The following STPG1 variants were observed in gnomAD, a reference collection of about 807,000 sequenced individuals.
The protein encoded by STPG1 is O(6)-methylguanine-induced apoptosis 2.
Under a neutral mutation model 40.1 loss-of-function variants are expected in STPG1, and 33 were observed. The observed-to-expected ratio is 0.82, with a 90% confidence interval of 0.62 to 1.10. STPG1 has a LOEUF of 1.10. Ranked by LOEUF, STPG1 falls within the 50% of genes least tolerant of loss-of-function variation. The pLI, the probability that STPG1 is intolerant of heterozygous loss-of-function variation, is 0.00. For synonymous variants in STPG1, 150 were observed against 155.0 expected (o/e 0.97, Z 0.24); for missense variants, 396 against 415.1 (o/e 0.95, Z 0.40).
chr1:24,394,585 T>C (rs1642913513), intron 2 of STPG1, among the ~76,000 whole-genome samples: 1 of 152,112 alleles, frequency 6.6e-6, no homozygotes, highest in Non-Finnish European at 1.5e-5. Flanking sequence ...ATTTCATATG[T>C]TCAAGAAGCC....
Position 24,383,943 on chromosome 1 carries a change from C to CA in STPG1, c.249dup (p.Val84CysfsTer24). On this transcript the variant is annotated frameshift_variant, in exon 4 of 9. Transcript: ENST00000337248. LOFTEE classifies it high-confidence loss of function. ...CAAGTTCCTTTCTTGGACAATGAGACACTGTTGGACACCGGTGACTGGTGA... is the reference window on the plus strand; with the variant it reads ...CAAGTTCCTTTCTTGGACAATGAGACAACTGTTGGACACCGGTGACTGGTGA... The CA allele has an allele frequency of 1.2e-6, 2 of 1,614,074 alleles. No homozygotes were observed. The highest frequency in any genetic ancestry group is 1.7e-6 in the Non-Finnish European group (2 of 1,179,898).
chr1:24,372,174 T>C (rs947146746), intron 6 of STPG1, among the ~76,000 whole-genome samples: 2 of 151,946 alleles, frequency 1.3e-5, no homozygotes, highest in African/African-American at 4.8e-5. Flanking sequence ...CAAGACTCCA[T>C]CTCCAAAAAA....
intron 7 of STPG1, among the ~76,000 whole-genome samples, chr1:24,361,999 C>T (rs573076677): frequency 8.9e-4 from 136 of 152,276 alleles, no homozygotes; most frequent in African/African-American, 3.0e-3. Flanking sequence ...ATAGAAGGGC[C>T]GCCTCCTTCT....
intron 7 of STPG1, among the ~76,000 whole-genome samples, chr1:24,362,534 A>C (rs1051705946): frequency 6.6e-6 from 1 of 152,220 alleles, no homozygotes; most frequent in Non-Finnish European, 1.5e-5. Flanking sequence ...TTTATAAAGG[A>C]GTTACAATGA....
rs976422128 is a variant in STPG1, at chr1:24,379,578, A to T, written c.462+75T>A. ...AACTGCATTAAAATACGATGTCCCC[A>T]AGATCCCCTCTTCCTTTTATTTTAG... On this transcript the variant is annotated intron_variant, in intron 5 of 8. Transcript: ENST00000337248. 3.9e-6 allele frequency: 6 copies of T among 1,524,590 alleles called. No homozygotes were observed. In the African/African-American group the frequency reaches 8.3e-5, roughly 21 times the overall value. 94.4% of individuals were successfully genotyped at this position (1,524,590 alleles called of 1,614,324 possible). A position where few individuals can be genotyped will look rare whatever the true frequency, so the allele number is the denominator to read the frequency against.
intron 5 of STPG1, among the ~76,000 whole-genome samples, chr1:24,375,480 C>T (rs555841066): frequency 4.6e-5 from 7 of 152,050 alleles, no homozygotes; most frequent in South Asian, 2.1e-4. Flanking sequence ...AATGGCTAGA[C>T]GGCATGCAGA....
chr1:24,384,394 T>C (rs1230369290), intron 3 of STPG1, among the ~76,000 whole-genome samples: 1 of 152,182 alleles, frequency 6.6e-6, no homozygotes, highest in East Asian at 1.9e-4. Context: ...GGTGAGCGAT[T>C]TCATGTTCAC....
chr1:24,379,515 C>T, intron 5 of STPG1, 138 bp downstream of exon 5: 1 of 910,830 alleles, frequency 1.1e-6, no homozygotes, highest in Non-Finnish European at 1.7e-6. Flanking sequence ...CAGCCTTAGG[C>T]ACCCATTGGG....
intron 2 of STPG1, among the ~76,000 whole-genome samples, chr1:24,397,645 G>A (rs751116218): frequency 1.3e-5 from 2 of 149,460 alleles, no homozygotes; most frequent in South Asian, 2.1e-4. Flanking sequence ...TCATATTAAC[G>A]GACTAAAAAA....
chr1:24,371,094 C>T (rs1370833117), intron 6 of STPG1, among the ~76,000 whole-genome samples: 3 of 152,132 alleles, frequency 2.0e-5, no homozygotes, highest in African/African-American at 4.8e-5. Context: ...GAAGAGGAAG[C>T]GATCTCACCC....
rs1471055742 is a variant in STPG1 at position 24,369,339 on chromosome 1, G to GT, written c.737+334dup. The GT allele has an allele frequency of 2.8e-5, 14 of 506,140 alleles. 1 individual carries two copies. Among genetic ancestry groups the GT allele is most frequent in the Non-Finnish European group, 4.8e-5 (12 of 250,728 alleles). 31.4% of individuals were successfully genotyped at this position (506,140 alleles called of 1,614,324 possible). On this transcript the variant is annotated intron_variant, in intron 7 of 8. Coordinates refer to ENST00000337248, the MANE Select transcript of STPG1 (RefSeq NM_001199013.2). Reference sequence around the variant, plus strand: ...AGACTTAGTCCTGAGCCAATTCCCTGTGGCTCCTCAAGTTGGCTGTGTGGA... The same window carrying GT: ...AGACTTAGTCCTGAGCCAATTCCCTGTTGGCTCCTCAAGTTGGCTGTGTGGA...
chr1:24,363,501 C>T (rs1641255850), intron 7 of STPG1, among the ~76,000 whole-genome samples: 1 of 152,200 alleles, frequency 6.6e-6, no homozygotes, highest in African/African-American at 2.4e-5. Flanking sequence ...GGGTTTGAAT[C>T]CCCACTTCCC....
intron 2 of STPG1, chr1:24,400,946 T>A (rs935888631): frequency 4.4e-5 from 8 of 182,190 alleles, no homozygotes; most frequent in Non-Finnish European, 6.9e-5. Context: ...AGTTATCCTT[T>A]CCAACAACCC....
At chr1:24,369,461 C>A in intron 7 of STPG1, 1 of 688,908 alleles carries the variant, frequency 1.5e-6, no homozygotes, top group Non-Finnish European at 2.7e-6. Context: ...TAATTGAATA[C>A]AATTTTAAGT....
rs116371710 is a variant in STPG1 at position 24,377,465 on chromosome 1, C to G, written c.462+2188G>C. Among the ~76,000 whole-genome samples the G allele has an allele frequency of 3.6e-3, 552 of 152,122 alleles. 5 individuals carry two copies. Among genetic ancestry groups the G allele is most frequent in the African/African-American group, 0.012 (509 of 41,496 alleles). ...CCTGAAGGTCCTCGTGGGCTGGGCT[C>G]CTTGCTATACCAGGACCTTGGCACA... On this transcript the variant is annotated intron_variant, in intron 5 of 8. Coordinates refer to ENST00000337248, the MANE Select transcript of STPG1 (RefSeq NM_001199013.2).
chr1:24,361,623 GGGAGGCA>G (rs1291832487), intron 7 of STPG1, among the ~76,000 whole-genome samples: 3 of 152,220 alleles, frequency 2.0e-5, no homozygotes, highest in Admixed American at 6.5e-5. Context: ...TATCATCCTG[GGGAGGCA>G]GGAGGCAGGA....
Position 24,358,525 on chromosome 1 carries a change from T to C in STPG1, c.*18A>G. ...GTGGGCTGGTGGCTGGAGTTCTCCT[T>C]GACCTTGTGTGACATCCCTACAGAA... is the stretch of plus-strand genomic sequence containing the variant. On this transcript the variant is annotated 3_prime_UTR_variant, in exon 9 of 9. Coordinates refer to ENST00000337248, the MANE Select transcript of STPG1 (RefSeq NM_001199013.2). The C allele has an allele frequency of 1.2e-6, 2 of 1,606,690 alleles. No homozygotes were observed. Among genetic ancestry groups the C allele is most frequent in the African/African-American group, 1.3e-5 (1 of 74,928 alleles).
intron 4 of STPG1, among the ~76,000 whole-genome samples, chr1:24,383,621 T>C (rs2148698795): frequency 6.6e-6 from 1 of 152,350 alleles, no homozygotes; most frequent in East Asian, 1.9e-4. Context: ...GGAAAATACT[T>C]GCTTAGTGCA....
At chr1:24,412,790 AC>A (rs1432985965) in intron 1 of STPG1, among the ~76,000 whole-genome samples, 2 of 152,238 alleles carry the variant, frequency 1.3e-5, no homozygotes, top group South Asian at 2.1e-4. Flanking sequence ...AGAGGTAGAC[AC>A]CTTTTAGCAA....
Sources: allele counts gnomAD v4.1 joint callset (sites outside exome capture counted in the v4.1 genomes callset), GRCh38; gene constraint gnomAD v4.1.1; transcripts MANE v1.5; gene names NCBI Gene and HGNC (gene_info 2026-07-23, HGNC 2026-07-21).